The following NIT1 variants were observed in gnomAD, a reference collection of about 807,000 sequenced individuals.
NIT1 encodes deaminated glutathione amidase.
Under a neutral mutation model 36.8 loss-of-function variants are expected in NIT1, and 30 were observed. That is an observed-to-expected ratio of 0.82 (90% CI 0.61 to 1.11). The LOEUF is 1.11. Among genes scored for constraint, NIT1 ranks in the 50% least tolerant of loss-of-function variants. The pLI is 0.00. For synonymous variants in NIT1, 151 were observed against 155.6 expected, an observed-to-expected ratio of 0.97 and a Z score of 0.22; for missense variants, 438 against 410.6, an observed-to-expected ratio of 1.07 and a Z score of -0.58.
chr1:161,121,930 G>A (rs1655539048), downstream of NIT1: 4 of 576,542 alleles, frequency 6.9e-6, no homozygotes, highest in South Asian at 9.4e-5. Context: ...CACATTACGG[G>A]GTAAATGGAA....
downstream of NIT1, chr1:161,122,975 T>C (rs2101737784): frequency 2.5e-6 from 4 of 1,610,480 alleles, no homozygotes; most frequent in Middle Eastern, 3.3e-4. This position sits in a 1 kb window ranked among gnomAD's most constrained non-coding sequence, Gnocchi z 4.2. Flanking sequence ...GCAATCAAAG[T>C]GAATCTCACA....
intron 1 of NIT1, 165 bp from the exon 2 acceptor site, chr1:161,118,621 G>T (rs1655080247): frequency 1.3e-6 from 2 of 1,531,026 alleles, no homozygotes; most frequent in Non-Finnish European, 1.8e-6. Flanking sequence ...CCACTGTATG[G>T]TCTTGTCCCT....
chr1:161,123,123 TTCGCTG>T, downstream of NIT1: 2 of 1,614,214 alleles, frequency 1.2e-6, no homozygotes, highest in Non-Finnish European at 1.7e-6. Flanking sequence ...TTCCGGCGTT[TTCGCTG>T]GCTCCCAAGT....
Position 161,118,141 on chromosome 1 carries a change from G to A in NIT1, c.-36G>A, listed in dbSNP as rs1345229877. Reference sequence around the variant, plus strand: ...CGCTTCTGGCTCCAGACCGCCCTCCGGATCGGACCCTGCGAATGGTTTTGG... The same window carrying A: ...CGCTTCTGGCTCCAGACCGCCCTCCAGATCGGACCCTGCGAATGGTTTTGG... On this transcript the variant is annotated 5_prime_UTR_variant, in exon 1 of 7. Coordinates refer to ENST00000368009, the MANE Select transcript of NIT1 (RefSeq NM_005600.3). 5 of 1,613,914 alleles carry A rather than the reference G, an allele frequency of 3.1e-6. No homozygotes were observed. The highest frequency in any genetic ancestry group is 1.3e-5 in the African/African-American group (1 of 75,068).
At position 161,121,089 on chromosome 1, in the gene NIT1, G is replaced by A. The variant is rs1160363565; in HGVS notation, c.*324G>A. 1.7e-5 allele frequency: 20 copies of A among 1,160,534 alleles called. No individual in the cohort carries two copies. The highest frequency in any genetic ancestry group is 2.0e-5 in the Non-Finnish European group (19 of 933,428). The allele number at this position is 1,160,534 out of a possible 1,614,324, so 71.9% of individuals were successfully genotyped here. A position where few individuals can be genotyped will look rare whatever the true frequency, so the allele number is the denominator to read the frequency against. ...AGTCTGTGTCTGGACATCGCCTTTG[G>A]GAACTAGAAGGGGAGTTGGTATTGT... On this transcript the variant is annotated 3_prime_UTR_variant, in exon 7 of 7. Coordinates refer to ENST00000368009, the MANE Select transcript of NIT1 (RefSeq NM_005600.3).
intron 1 of NIT1, 175 bp from the exon 2 acceptor site, chr1:161,118,611 C>T (rs567539661): frequency 1.3e-5 from 20 of 1,533,048 alleles, no homozygotes; most frequent in African/African-American, 6.8e-5. Context: ...CTCCATCTTC[C>T]CACTGTATGG....
intron 4 of NIT1, 50 bp downstream of exon 4, chr1:161,119,662 A>AAACTTG (rs71090366): frequency 2.1e-5 from 33 of 1,591,920 alleles, no homozygotes; most frequent in Non-Finnish European, 2.6e-5. Context: ...TCTTCTACCT[A>AAACTTG]GATTCTCCAG....
At chr1:161,123,792 T>A, downstream of NIT1, 2 of 1,510,058 alleles carry the variant, frequency 1.3e-6, no homozygotes, top group South Asian at 2.3e-5. Context: ...GGGATCAGTG[T>A]CCTTTTACTT....
chr1:161,119,332 A>G lies in NIT1; in HGVS notation c.297A>G (p.Leu99=), dbSNP rs1250224318. The G allele has an allele frequency of 1.9e-6, 3 of 1,614,116 alleles. No homozygotes were observed. The highest frequency in any genetic ancestry group is 1.7e-5 in the Admixed American group (1 of 60,006). Residue 99 remains leucine (L), a synonymous_variant, in exon 3 of 7, where the codon CTA becomes CTG. Coordinates refer to ENST00000368009, the MANE Select transcript of NIT1 (RefSeq NM_005600.3). ...TTGCACGGGACCCTGCAGAGACGCT[A>G]CACCTGTCTGAACCACTGGGTGGGA... ...DFIARDPAET[L]HLSEPLGGKL...
downstream of NIT1, chr1:161,123,855 G>A (rs745649711): frequency 6.2e-7 from 1 of 1,613,752 alleles, no homozygotes; most frequent in Non-Finnish European, 8.5e-7. Flanking sequence ...TAGAGGGCTG[G>A]GGAGGCCTTG....
downstream of NIT1, chr1:161,124,246 G>A (rs151010008): frequency 1.1e-5 from 18 of 1,614,196 alleles, no homozygotes; most frequent in Middle Eastern, 1.6e-4. Context: ...CGGCCCTGGC[G>A]CTCCAGTGCC....
rs779472139 is a variant in NIT1 at position 161,119,629 on chromosome 1, C to T, written c.457+17C>T. On this transcript the variant is annotated intron_variant, in intron 4 of 6. Coordinates refer to ENST00000368009, the MANE Select transcript of NIT1 (RefSeq NM_005600.3). ...ACAGCAAAGGTGAGACTTTATAACCCTTTAGCCTGCCTCTTCCCATGCTCT... is the reference window on the plus strand; with the variant it reads ...ACAGCAAAGGTGAGACTTTATAACCTTTTAGCCTGCCTCTTCCCATGCTCT... 1 of 1,602,090 alleles carries T rather than the reference C, an allele frequency of 6.2e-7. No homozygotes were observed. Among genetic ancestry groups the T allele is most frequent in the Admixed American group, 1.7e-5 (1 of 59,384 alleles).
chr1:161,124,348 G>T (rs1312979732), downstream of NIT1: 10 of 1,614,246 alleles, frequency 6.2e-6, no homozygotes, highest in Non-Finnish European at 7.6e-6. Flanking sequence ...ACATCTCTGT[G>T]TGTCAGATGA....
At chr1:161,122,721 C>G (rs77007275), downstream of NIT1, among the ~76,000 whole-genome samples, 193 of 152,324 alleles carry the variant, frequency 1.3e-3, no homozygotes, top group African/African-American at 4.2e-3. This position sits in a 1 kb window ranked among gnomAD's most constrained non-coding sequence, Gnocchi z 4.2. Context: ...TTAAACGGGA[C>G]ATGCCGAGGT....
intron 5 of NIT1, 40 bp downstream of exon 5, chr1:161,119,992 C>T: frequency 6.2e-7 from 1 of 1,603,720 alleles, no homozygotes; most frequent in Non-Finnish European, 8.5e-7. Flanking sequence ...AACAGGAATA[C>T]TTTGAACTGG....
At position 161,120,162 on chromosome 1, in the gene NIT1, C is replaced by T. The variant is rs1655294801; in HGVS notation, c.647C>T (p.Ala216Val). 2 of 1,614,032 alleles carry T rather than the reference C, an allele frequency of 1.2e-6. No homozygotes were observed. Among genetic ancestry groups the T allele is most frequent in the Admixed American group, 3.3e-5 (2 of 60,008 alleles). Residue 216 changes from alanine to valine, a missense_variant, in exon 6 of 7, where the codon GCT becomes GTT. Ala to Val is a moderately conservative substitution (Grantham distance 64). Coordinates refer to ENST00000368009, the MANE Select transcript of NIT1 (RefSeq NM_005600.3). ...MRFPELSLAL[A>V]QAGAEILTYP... ...TTCCCTGAACTCTCTCTGGCATTGG[C>T]TCAAGCTGGAGCAGAGATACTTACC...
intron 1 of NIT1, 129 bp from the exon 2 acceptor site, chr1:161,118,657 G>C: frequency 2.6e-6 from 4 of 1,511,032 alleles, no homozygotes; most frequent in Non-Finnish European, 3.6e-6. Flanking sequence ...TATAAAGAGC[G>C]TTTTGAAGAC....
Position 161,119,177 on chromosome 1 carries a change from C to G in NIT1, c.142C>G (p.Leu48Val). 2 of 1,614,140 alleles carry G rather than the reference C, an allele frequency of 1.2e-6. No homozygotes were observed. The highest frequency in any genetic ancestry group is 1.7e-6 in the Non-Finnish European group (2 of 1,180,028). The stretch of plus-strand genomic sequence containing the variant: ...CTCCTCTTCCTCCTGCGAACTGCCC[C>G]TGGTGGCTGTGTGCCAGGTAACATC... ...AISSSSCELPLVAVCQVTSTP... is the reference protein window; with the variant it reads ...AISSSSCELPVVAVCQVTSTP... The change falls in exon 3 of 7, where the codon CTG becomes GTG. Residue 48 changes from leucine to valine, a missense_variant. Coordinates refer to ENST00000368009, the MANE Select transcript of NIT1 (RefSeq NM_005600.3).
downstream of NIT1, chr1:161,123,151 T>A (rs775139574): frequency 2.2e-5 from 35 of 1,614,152 alleles, no homozygotes; most frequent in South Asian, 3.8e-4. Context: ...TGGCTCTCCC[T>A]CGGGCTGGCC....
Sources: allele counts gnomAD v4.1 joint callset (sites outside exome capture counted in the v4.1 genomes callset), GRCh38; gene constraint gnomAD v4.1.1; non-coding constraint Gnocchi (gnomAD v3.1); transcripts MANE v1.5; gene names NCBI Gene and HGNC (gene_info 2026-07-23, HGNC 2026-07-21).